TMEM92: variants seen among roughly 807,000 people sequenced by gnomAD.
TMEM92 encodes the protein transmembrane protein 92.
TMEM92 carries 15 observed loss-of-function variants against 14.6 expected under a neutral mutation model. That is an observed-to-expected ratio of 1.03 (90% CI 0.69 to 1.58). The LOEUF (loss-of-function observed/expected upper bound fraction) is 1.58. Ranked by LOEUF, TMEM92 falls within the 40% of genes most tolerant of loss-of-function variation. TMEM92 has a pLI of 0.00. For missense variants in TMEM92, 174 were observed against 202.4 expected (o/e 0.86, Z 0.85); for synonymous variants, 85 against 83.3 (o/e 1.02, Z -0.11).
rs1910579158 is a variant in TMEM92, at chr17:50,280,366, A to C, written c.*1058A>C. The C allele has an allele frequency of 6.6e-6, 1 of 152,280 alleles. No homozygotes were observed. Among genetic ancestry groups the C allele is most frequent in the East Asian group, 1.9e-4 (1 of 5,178 alleles). The allele number at this position is 152,280 out of a possible 1,614,324, so 9.4% of individuals were successfully genotyped here. ...GAGGTGGCAGGTTCCACCCTTCTCT[A>C]CCAGCCCCGCTCGCTCGTGGGAGTT... is the stretch of plus-strand genomic sequence containing the variant. On this transcript the variant is annotated 3_prime_UTR_variant, in exon 5 of 5. Coordinates refer to ENST00000507382, the MANE Select transcript of TMEM92 (RefSeq NM_153229.3).
intron 1 of TMEM92, chr17:50,274,795 G>A (rs1009269378): frequency 1.8e-6 from 1 of 569,120 alleles, no homozygotes; most frequent in Middle Eastern, 4.2e-4. Flanking sequence ...CCTGTGGTGG[G>A]AAGTGGCCAC....
Position 50,279,311 on chromosome 17 carries a change from C to T in TMEM92, c.*3C>T. The T allele has an allele frequency of 6.2e-7, 1 of 1,613,070 alleles. No homozygotes were observed. Among genetic ancestry groups the T allele is most frequent in the Non-Finnish European group, 8.5e-7 (1 of 1,179,156 alleles). ...GCATTGACAACCCGGCCTTCTGAGT[C>T]ACCTCCTGCCTGGAATCTTGCCATC... On this transcript the variant is annotated 3_prime_UTR_variant, in exon 5 of 5. Coordinates refer to ENST00000507382, the MANE Select transcript of TMEM92 (RefSeq NM_153229.3).
Position 50,278,919 on chromosome 17 carries a change from C to G in TMEM92, c.289C>G (p.Pro97Ala). 1 of 1,613,504 alleles carries G rather than the reference C, an allele frequency of 6.2e-7. No individual in the cohort carries two copies. The highest frequency in any genetic ancestry group is 8.5e-7 in the Non-Finnish European group (1 of 1,179,622). ...EPDSPVDCRGPLELPSIIPPE... is the reference protein window; with the variant it reads ...EPDSPVDCRGALELPSIIPPE... ...AGACAGCCCAGTGGATTGCCGGGGG[C>G]CCCTGGAACTGCCCTCCATCATCCC... is the stretch of plus-strand genomic sequence containing the variant. Residue 97 changes from proline to alanine, a missense_variant, in exon 4 of 5, where the codon CCC becomes GCC. Physicochemically the swap from Pro to Ala is conservative, Grantham distance 27. Coordinates refer to ENST00000507382, the MANE Select transcript of TMEM92 (RefSeq NM_153229.3).
rs1029024276 is a variant in TMEM92, at chr17:50,277,710, C to T, written c.70-5C>T. ...CTGACCCCCGACCTCTCTTTTCTTC[C>T]ACAGATTGCAGCCAAATGTGGTCTC... is the stretch of plus-strand genomic sequence containing the variant. On this transcript the variant is annotated splice_region_variant and splice_polypyrimidine_tract_variant and intron_variant, in intron 1 of 4. Coordinates refer to ENST00000507382, the MANE Select transcript of TMEM92 (RefSeq NM_153229.3). 9 of 1,613,958 alleles carry T rather than the reference C, an allele frequency of 5.6e-6. No homozygotes were observed. The East Asian group carries it at 1.8e-4, about 32-fold the overall frequency.
At chr17:50,275,839 T>A (rs1324756048) in intron 1 of TMEM92, among the ~76,000 whole-genome samples, 1 of 152,022 alleles carries the variant, frequency 6.6e-6, no homozygotes, top group African/African-American at 2.4e-5. Context: ...ATATATATAT[T>A]TTTAATTTAA....
In TMEM92 at chr17:50,280,176, C is replaced by T. The variant is rs1023468536; in HGVS notation, c.*868C>T. On this transcript the variant is annotated 3_prime_UTR_variant, in exon 5 of 5. Coordinates refer to ENST00000507382, the MANE Select transcript of TMEM92 (RefSeq NM_153229.3). Reference sequence around the variant, plus strand: ...GAGGGGGTTGGATCCAGGAAGCAGCCCTGGGACAGCCCATTCTGCTGTTGA... The same window carrying T: ...GAGGGGGTTGGATCCAGGAAGCAGCTCTGGGACAGCCCATTCTGCTGTTGA... 3.5e-5 allele frequency: 5 copies of T among 142,588 alleles called. No individual in the cohort carries two copies. The highest frequency in any genetic ancestry group is 4.4e-5 in the Non-Finnish European group (3 of 67,972). 8.8% of individuals were successfully genotyped at this position (142,588 alleles called of 1,614,324 possible).
chr17:50,278,714 G>T, intron 3 of TMEM92, 84 bp downstream of exon 3: 2 of 1,576,374 alleles, frequency 1.3e-6, no homozygotes, highest in Admixed American at 3.7e-5. Flanking sequence ...TGCCGAGGGG[G>T]CAGTGTGGGC....
intron 1 of TMEM92, among the ~76,000 whole-genome samples, chr17:50,276,545 GT>G (rs979203058): frequency 3.3e-5 from 5 of 152,200 alleles, no homozygotes; most frequent in Non-Finnish European, 5.9e-5. Flanking sequence ...GATAACGGTG[GT>G]TTTGCCAAAG....
chr17:50,279,257 G>A lies in TMEM92; in HGVS notation c.429G>A (p.Arg143=), dbSNP rs1179514406. ...AGCCACCCCCTCCCTACAGCTTCAG[G>A]CCTGAAGAATATACCGGGGATCAGA... ...PTEPPPPYSF[R]PEEYTGDQRG... The change falls in exon 5 of 5, where the codon AGG becomes AGA. Residue 143 remains arginine, a synonymous_variant. Coordinates refer to ENST00000507382, the MANE Select transcript of TMEM92 (RefSeq NM_153229.3). The A allele has an allele frequency of 6.2e-7, 1 of 1,613,858 alleles. No individual in the cohort carries two copies. The highest frequency in any genetic ancestry group is 8.5e-7 in the Non-Finnish European group (1 of 1,179,882).
Position 50,278,985 on chromosome 17 carries a change from C to G in TMEM92, c.355C>G (p.Pro119Ala). Residue 119 changes from proline (P) to alanine (A), a missense_variant, in exon 4 of 5, where the codon CCC (proline) becomes GCC (alanine). Coordinates refer to ENST00000507382, the MANE Select transcript of TMEM92 (RefSeq NM_153229.3). ...VRVSLSAPPP[P>A]YSEVILKPSL... Reference sequence around the variant, plus strand: ...AGTATCCCTTTCTGCGCCCCCACCCCCCTACAGTGAGGTGGGTGTCTCATC... The same window carrying G: ...AGTATCCCTTTCTGCGCCCCCACCCGCCTACAGTGAGGTGGGTGTCTCATC... 1.3e-6 allele frequency: 2 copies of G among 1,591,730 alleles called. No individual in the cohort carries two copies. The highest frequency in any genetic ancestry group is 2.2e-5 in the East Asian group (1 of 44,748).
Position 50,279,008 on chromosome 17 carries a change from A to G in TMEM92, c.366+12A>G, listed in dbSNP as rs150960242. On this transcript the variant is annotated intron_variant, in intron 4 of 4. Transcript: ENST00000507382. The stretch of plus-strand genomic sequence containing the variant: ...CCCCCTACAGTGAGGTGGGTGTCTC[A>G]TCCCCATCCCCACCTTGCCTCTGGC... 777 of 1,558,378 alleles carry G rather than the reference A, an allele frequency of 5.0e-4. 5 individuals carry two copies. The African/African-American group carries it at 9.7e-3, about 19-fold the overall frequency.
At chr17:50,278,507 T>C (rs1598330330) in intron 2 of TMEM92, 49 bp from the exon 3 acceptor site, 2 of 1,606,496 alleles carry the variant, frequency 1.2e-6, no homozygotes, top group East Asian at 2.2e-5. Context: ...TGCCTCTCCA[T>C]TCTGGTGCCA....
chr17:50,278,316 T>C (rs144504066), intron 2 of TMEM92, among the ~76,000 whole-genome samples: 31 of 152,228 alleles, frequency 2.0e-4, no homozygotes, highest in African/African-American at 7.0e-4. Context: ...ATACTTCTTC[T>C]ACCCGTGTTA....
upstream of TMEM92, among the ~76,000 whole-genome samples, chr17:50,272,249 C>A (rs1721427074): frequency 1.3e-5 from 2 of 151,942 alleles, no homozygotes; most frequent in African/African-American, 2.4e-5. Flanking sequence ...CTCCTGCTGA[C>A]CCCCCACATC....
In TMEM92 at chr17:50,278,957, CA is replaced by C; in HGVS notation, c.328del (p.Arg110GlufsTer14). 6.2e-7 allele frequency: 1 copy of C among 1,611,994 alleles called. No individual in the cohort carries two copies. The highest frequency in any genetic ancestry group is 8.5e-7 in the Non-Finnish European group (1 of 1,178,956). ...LPSIIPPERV[R>X]VSLSAPPPPY... ...CCTCCATCATCCCCCCAGAGAGGGT[CA>C]GAGTATCCCTTTCTGCGCCCCCACC... is the stretch of plus-strand genomic sequence containing the variant. On this transcript the variant is annotated frameshift_variant, in exon 4 of 5. Coordinates refer to ENST00000507382, the MANE Select transcript of TMEM92 (RefSeq NM_153229.3). LOFTEE classifies it low-confidence loss of function (END_TRUNC).
chr17:50,276,001 C>T (rs1426000942), intron 1 of TMEM92, among the ~76,000 whole-genome samples: 3 of 151,972 alleles, frequency 2.0e-5, no homozygotes, highest in African/African-American at 7.3e-5. Flanking sequence ...CATGGTGGCA[C>T]GTGCCTGTAA....
intron 3 of TMEM92, 64 bp from the exon 4 acceptor site, chr17:50,278,737 G>A: frequency 6.4e-7 from 1 of 1,566,120 alleles, no homozygotes; most frequent in Non-Finnish European, 8.6e-7. Context: ...CGGGAGCGGG[G>A]AGATGTAGGG....
Position 50,279,313 on chromosome 17 carries a change from C to T in TMEM92, c.*5C>T. On this transcript the variant is annotated 3_prime_UTR_variant, in exon 5 of 5. Transcript: ENST00000507382. ...ATTGACAACCCGGCCTTCTGAGTCA[C>T]CTCCTGCCTGGAATCTTGCCATCAG... 6.2e-7 allele frequency: 1 copy of T among 1,613,134 alleles called. No individual in the cohort carries two copies. The highest frequency in any genetic ancestry group is 8.5e-7 in the Non-Finnish European group (1 of 1,179,196).
At chr17:50,275,566 C>A (rs1910403620) in intron 1 of TMEM92, among the ~76,000 whole-genome samples, 1 of 152,072 alleles carries the variant, frequency 6.6e-6, no homozygotes, top group African/African-American at 2.4e-5. Flanking sequence ...CCAAGACCAC[C>A]CTGACGCTCC....
Sources: allele counts gnomAD v4.1 joint callset (sites outside exome capture counted in the v4.1 genomes callset), GRCh38; gene constraint gnomAD v4.1.1; transcripts MANE v1.5; gene names NCBI Gene and HGNC (gene_info 2026-07-23, HGNC 2026-07-21).